Variants in LNX1 observed in about 807,000 individuals in gnomAD.
LNX1 encodes the protein ligand of numb-protein X 1, also known as E3 ubiquitin-protein ligase LNX.
LNX1 carries 54 observed loss-of-function variants against 68.4 expected under a neutral mutation model. The ratio of observed to expected loss-of-function variants is 0.79; its 90% CI spans 0.63 to 0.99. The LOEUF (loss-of-function observed/expected upper bound fraction) is 0.99. LNX1 is among the 50% of genes least tolerant of loss of function. LNX1 has a pLI of 0.00. For missense variants in LNX1, 906 were observed against 926.4 expected, an observed-to-expected ratio of 0.98 and a Z score of 0.29; for synonymous variants, 336 against 350.0, an observed-to-expected ratio of 0.96 and a Z score of 0.45.
chr4:53,467,513 G>A (rs928693384), intron 9 of LNX1, among the ~76,000 whole-genome samples: 1 of 152,196 alleles, frequency 6.6e-6, no homozygotes, highest in African/African-American at 2.4e-5. Context: ...CAAGTTGAGA[G>A]AGGAAGGCTT....
intron 2 of LNX1, among the ~76,000 whole-genome samples, chr4:53,568,187 C>T (rs1439652540): frequency 1.3e-5 from 2 of 151,802 alleles, no homozygotes; most frequent in Non-Finnish European, 2.9e-5. Flanking sequence ...GGCAGAGACA[C>T]AACCAAAAAA....
chr4:53,538,003 C>CT (rs1264580789), intron 2 of LNX1, among the ~76,000 whole-genome samples: 3 of 152,198 alleles, frequency 2.0e-5, no homozygotes, highest in Non-Finnish European at 2.9e-5. Flanking sequence ...TCTAATTATT[C>CT]TGTCTCATTC....
intron 2 of LNX1, among the ~76,000 whole-genome samples, chr4:53,515,914 T>C (rs1347951501): frequency 6.6e-6 from 1 of 152,140 alleles, no homozygotes; most frequent in Non-Finnish European, 1.5e-5. Context: ...TTGTTTCTCA[T>C]ACATAAAATG....
chr4:53,509,608 C>G (rs1469679670), intron 2 of LNX1, among the ~76,000 whole-genome samples: 1 of 152,138 alleles, frequency 6.6e-6, no homozygotes, highest in Admixed American at 6.5e-5. Flanking sequence ...TAAGTCTTAT[C>G]AGGGGTTTAG....
At chr4:53,600,173 C>A (rs1434882257) in intron 2 of LNX1, among the ~76,000 whole-genome samples, 31 of 152,196 alleles carry the variant, frequency 2.0e-4, no homozygotes, top group Admixed American at 1.5e-3. Flanking sequence ...CAATCCTCCA[C>A]GCACTTGCTG....
intron 6 of LNX1, among the ~76,000 whole-genome samples, chr4:53,491,860 C>A (rs1179070602): frequency 6.8e-6 from 1 of 146,832 alleles, no homozygotes; most frequent in African/African-American, 2.5e-5. Flanking sequence ...TACAATGGCG[C>A]GATCTTGGCT....
chr4:53,551,511 A>G lies in LNX1; in HGVS notation c.380+22112T>C, dbSNP rs531946666. Among the ~76,000 whole-genome samples, 383 of 152,294 alleles carry G rather than the reference A, an allele frequency of 2.5e-3. 1 individual carries two copies. Among genetic ancestry groups the G allele is most frequent in the African/African-American group, 9.1e-3 (377 of 41,550 alleles). The stretch of plus-strand genomic sequence containing the variant: ...TAACTGGTATATGAATCCTCAACTG[A>G]TAAGGAGAAAAAGCCCTCAAGTGAG... On this transcript the variant is annotated intron_variant, in intron 2 of 10. Transcript: ENST00000263925.
At chr4:53,535,652 G>C (rs1369962672) in intron 2 of LNX1, among the ~76,000 whole-genome samples, 2 of 152,210 alleles carry the variant, frequency 1.3e-5, no homozygotes, top group African/African-American at 4.8e-5. Context: ...ATGTGAATAA[G>C]ATGTGGAAGG....
chr4:53,555,625 A>T (rs556981635), intron 2 of LNX1, among the ~76,000 whole-genome samples: 2 of 152,354 alleles, frequency 1.3e-5, no homozygotes, highest in Non-Finnish European at 2.9e-5. Flanking sequence ...CTTAGAGAAC[A>T]TGACAGTACC....
At chr4:53,633,186 T>A (rs1734339206) in intron 1 of LNX1, among the ~76,000 whole-genome samples, 1 of 152,222 alleles carries the variant, frequency 6.6e-6, no homozygotes, top group Non-Finnish European at 1.5e-5. Context: ...GATATTGTGA[T>A]GATCACATTA....
intron 2 of LNX1, among the ~76,000 whole-genome samples, chr4:53,545,654 T>C (rs1050193384): frequency 5.9e-5 from 9 of 152,198 alleles, no homozygotes; most frequent in African/African-American, 2.2e-4. Flanking sequence ...GCTTCCTGTG[T>C]ATTGCATTTA....
chr4:53,513,946 C>T (rs1245261115), intron 2 of LNX1, among the ~76,000 whole-genome samples: 1 of 152,212 alleles, frequency 6.6e-6, no homozygotes, highest in Non-Finnish European at 1.5e-5. Context: ...GCTCATACAG[C>T]CCTCCTGCTA....
intron 1 of LNX1, among the ~76,000 whole-genome samples, chr4:53,646,914 T>C (rs1734907405): frequency 1.3e-5 from 2 of 152,188 alleles, no homozygotes; most frequent in Admixed American, 1.3e-4. Context: ...TCCCACCCCT[T>C]TGCCCGGGAG....
intron 2 of LNX1, among the ~76,000 whole-genome samples, chr4:53,560,976 A>G (rs1472893509): frequency 6.6e-6 from 1 of 152,148 alleles, no homozygotes; most frequent in Non-Finnish European, 1.5e-5. Context: ...TCTTTGCCCT[A>G]TTCTTTGCCT....
At chr4:53,606,654 A>C (rs59254887) in intron 2 of LNX1, among the ~76,000 whole-genome samples, 2,702 of 152,296 alleles carry the variant, frequency 0.018, 66 homozygotes, top group African/African-American at 0.061. Context: ...ATACAATAAA[A>C]AAAGAAAACT....
chr4:53,579,940 A>G (rs533792854), intron 1 of LNX1, among the ~76,000 whole-genome samples: 1 of 152,328 alleles, frequency 6.6e-6, no homozygotes, highest in South Asian at 2.1e-4. Context: ...TTGTTGCCTG[A>G]GTCACAGTTT....
chr4:53,612,271 A>T (rs1733524921), intron 2 of LNX1, among the ~76,000 whole-genome samples: 1 of 152,224 alleles, frequency 6.6e-6, no homozygotes, highest in Admixed American at 6.5e-5. Flanking sequence ...GAACTTTCAT[A>T]CAGCTTAGGT....
intron 1 of LNX1, among the ~76,000 whole-genome samples, chr4:53,587,480 G>C (rs754910740): frequency 5.3e-5 from 8 of 152,192 alleles, no homozygotes; most frequent in Admixed American, 2.6e-4. Flanking sequence ...ACATAAAAGA[G>C]AGTCTATGTA....
At chr4:53,495,444 A>T (rs1324862129) in intron 6 of LNX1, among the ~76,000 whole-genome samples, 1 of 151,822 alleles carries the variant, frequency 6.6e-6, no homozygotes, top group Non-Finnish European at 1.5e-5. Context: ...GCTTCCTCTC[A>T]GGTTCATACT....
Sources: gnomAD v4.1 joint callset for allele counts (sites outside exome capture counted in the v4.1 genomes callset) on GRCh38, gnomAD v4.1.1 for gene constraint, MANE v1.5 for transcripts, NCBI Gene and HGNC (gene_info 2026-07-23, HGNC 2026-07-21) for gene names.